Variants in GABRB2 observed in about 807,000 individuals in gnomAD.
The protein encoded by GABRB2 is gamma-aminobutyric acid type A receptor subunit beta2, also known as gamma-aminobutyric acid receptor subunit beta-2.
Under a neutral mutation model 54.7 loss-of-function variants are expected in GABRB2, and 16 were observed. The ratio of observed to expected loss-of-function variants is 0.29; its 90% CI spans 0.20 to 0.44. The LOEUF (loss-of-function observed/expected upper bound fraction) is 0.44, where lower values mean the gene tolerates loss of function less well. Among genes scored for constraint, GABRB2 ranks in the 20% least tolerant of loss-of-function variants. The pLI is 1.00. For missense variants in GABRB2, 355 were observed against 644.0 expected (o/e 0.55, Z 4.86); for synonymous variants, 244 against 233.8 (o/e 1.04, Z -0.40).
intron 9 of GABRB2, among the ~76,000 whole-genome samples, chr5:161,315,221 A>G (rs906274768): frequency 6.6e-6 from 1 of 152,250 alleles, no homozygotes; most frequent in Non-Finnish European, 1.5e-5. Context: ...ATATGTTTAC[A>G]AAATTTAACT....
intron 4 of GABRB2, among the ~76,000 whole-genome samples, chr5:161,425,805 A>T (rs1438785466): frequency 6.6e-6 from 1 of 152,124 alleles, no homozygotes; most frequent in East Asian, 1.9e-4. Context: ...TTTTCATAGA[A>T]ATAATGGGGT....
intron 4 of GABRB2, among the ~76,000 whole-genome samples, chr5:161,458,475 A>G (rs926125168): frequency 3.9e-5 from 6 of 152,200 alleles, no homozygotes; most frequent in Non-Finnish European, 7.3e-5. Flanking sequence ...CAAATGTCAT[A>G]AACAAAACAG....
chr5:161,517,040 G>T lies in GABRB2; in HGVS notation c.237+28187C>A, dbSNP rs1001112961. Among the ~76,000 whole-genome samples, 3 of 152,088 alleles carry T rather than the reference G, an allele frequency of 2.0e-5. 1 individual carries two copies. The South Asian group carries it at 6.2e-4, about 32-fold the overall frequency. On this transcript the variant is annotated intron_variant, in intron 3 of 9. Coordinates refer to ENST00000393959, the MANE Select transcript of GABRB2 (RefSeq NM_001371727.1). The stretch of plus-strand genomic sequence containing the variant: ...CAGAGAGGCTCCTATGCCCTGTTCT[G>T]CTCTGTGACTAAGTTTTGATGGCTC...
intron 4 of GABRB2, among the ~76,000 whole-genome samples, chr5:161,441,648 ACTC>A (rs1379497687): frequency 4.6e-5 from 7 of 152,244 alleles, no homozygotes; most frequent in South Asian, 4.1e-4. Context: ...AGATTTCTGT[ACTC>A]CTATGTTTGT....
chr5:161,429,758 G>T lies in GABRB2; in HGVS notation c.459-18701C>A, dbSNP rs76046699. ...TATAAGGGATTTAAGTCTAATCAAGGAGCCACAAACTCAGACGCATAGAGG... is the reference window on the plus strand; with the variant it reads ...TATAAGGGATTTAAGTCTAATCAAGTAGCCACAAACTCAGACGCATAGAGG... On this transcript the variant is annotated intron_variant, in intron 4 of 9. Coordinates refer to ENST00000393959, the MANE Select transcript of GABRB2 (RefSeq NM_001371727.1). Among the ~76,000 whole-genome samples, 18 of 152,204 alleles carry T rather than the reference G, an allele frequency of 1.2e-4. No homozygotes were observed. The East Asian group carries it at 3.5e-3, about 29-fold the overall frequency.
chr5:161,546,002 C>G (rs1468486121), intron 2 of GABRB2, among the ~76,000 whole-genome samples: 5 of 152,190 alleles, frequency 3.3e-5, no homozygotes, highest in Non-Finnish European at 7.3e-5. Flanking sequence ...CGGGTTCTCT[C>G]GGCACACCAT....
intron 3 of GABRB2, among the ~76,000 whole-genome samples, chr5:161,515,724 T>A (rs1759920750): frequency 6.6e-6 from 1 of 152,198 alleles, no homozygotes; most frequent in African/African-American, 2.4e-5. Context: ...TGCTACTCCA[T>A]GGCTGGAAAT....
At chr5:161,401,535 C>T (rs1041675940) in intron 5 of GABRB2, among the ~76,000 whole-genome samples, 14 of 152,054 alleles carry the variant, frequency 9.2e-5, no homozygotes, top group Admixed American at 9.2e-4. Context: ...AAAATAGATA[C>T]CCTGCACTGC....
At chr5:161,483,537 A>T (rs2113333433) in intron 3 of GABRB2, among the ~76,000 whole-genome samples, 1 of 152,026 alleles carries the variant, frequency 6.6e-6, no homozygotes, top group Non-Finnish European at 1.5e-5. Context: ...AGTGTTATAA[A>T]AAAGAGACAA....
chr5:161,507,398 G>A (rs1004833128), intron 3 of GABRB2, among the ~76,000 whole-genome samples: 3 of 152,024 alleles, frequency 2.0e-5, no homozygotes, highest in African/African-American at 7.2e-5. Context: ...GTTAACATCA[G>A]AGGAAGCTAA....
chr5:161,525,684 C>T lies in GABRB2; in HGVS notation c.237+19543G>A, dbSNP rs577612665. On this transcript the variant is annotated intron_variant, in intron 3 of 9. Coordinates refer to ENST00000393959, the MANE Select transcript of GABRB2 (RefSeq NM_001371727.1). ...GGATACCAGCTTTGTTTTAATTTGC[C>T]TAGATTGAATTATAAGAAGCACTTT... Among the ~76,000 whole-genome samples, 42 of 151,070 alleles carry T rather than the reference C, an allele frequency of 2.8e-4. 1 individual carries two copies. The South Asian group carries it at 2.9e-3, about 10-fold the overall frequency.
At chr5:161,369,369 GAA>G (rs1755065781) in intron 5 of GABRB2, among the ~76,000 whole-genome samples, 1 of 152,134 alleles carries the variant, frequency 6.6e-6, no homozygotes, top group Admixed American at 6.6e-5. Flanking sequence ...CTGTAGATAA[GAA>G]TATGCATTAA....
intron 3 of GABRB2, among the ~76,000 whole-genome samples, chr5:161,478,284 C>A (rs1758654774): frequency 6.6e-6 from 1 of 151,990 alleles, no homozygotes; most frequent in South Asian, 2.1e-4. Context: ...TCTGACATAA[C>A]ACCATTAAGT....
At chr5:161,360,834 A>T (rs2113451399) in intron 5 of GABRB2, among the ~76,000 whole-genome samples, 1 of 152,250 alleles carries the variant, frequency 6.6e-6, no homozygotes, top group Non-Finnish European at 1.5e-5. Context: ...TTAAAACCTA[A>T]AAACAAACCC....
rs186854364 is a variant in GABRB2 at position 161,546,458 on chromosome 5, G to A, written c.78-45C>T. ...TAAGCAGGCATCAATAAGGAAGCAG[G>A]CATAGCGTTTTCAGCATCGGATCCC... On this transcript the variant is annotated intron_variant, in intron 1 of 9. Coordinates refer to ENST00000393959, the MANE Select transcript of GABRB2 (RefSeq NM_001371727.1). The A allele has an allele frequency of 1.9e-5, 30 of 1,588,512 alleles. No homozygotes were observed. The African/African-American group carries it at 2.7e-4, about 14-fold the overall frequency.
rs574640881 is a variant in GABRB2 at position 161,330,315 on chromosome 5, C to T, written c.1077+568G>A. 2.6e-5 allele frequency: 4 copies of T among 152,260 alleles called. No homozygotes were observed. In the East Asian group the frequency reaches 7.7e-4, roughly 29 times the overall value. The allele number at this position is 152,260 out of a possible 1,614,324, so 9.4% of individuals were successfully genotyped here. A position where few individuals can be genotyped will look rare whatever the true frequency, so the allele number is the denominator to read the frequency against. ...AGGAGAAAATTATTTGTCTTTTCCC[C>T]CTTACTCTTCTTATGTTCTTCTGAT... On this transcript the variant is annotated intron_variant, in intron 8 of 9. Coordinates refer to ENST00000393959, the MANE Select transcript of GABRB2 (RefSeq NM_001371727.1).
At chr5:161,471,296 G>C (rs185724526) in intron 3 of GABRB2, among the ~76,000 whole-genome samples, 8 of 152,060 alleles carry the variant, frequency 5.3e-5, no homozygotes, top group African/African-American at 1.9e-4. Flanking sequence ...TTCCACATCT[G>C]AGCCAACAAA....
chr5:161,425,867 A>G (rs1396726609), intron 4 of GABRB2, among the ~76,000 whole-genome samples: 1 of 152,128 alleles, frequency 6.6e-6, no homozygotes, highest in African/African-American at 2.4e-5. Flanking sequence ...ATAATATGTG[A>G]TGAGGATGTG....
intron 3 of GABRB2, among the ~76,000 whole-genome samples, chr5:161,543,657 C>T (rs1760885713): frequency 6.6e-6 from 1 of 152,154 alleles, no homozygotes; most frequent in South Asian, 2.1e-4. Context: ...TTTAGATTCA[C>T]ATTCCTGAGA....
Sources: allele counts gnomAD v4.1 joint callset (sites outside exome capture counted in the v4.1 genomes callset), GRCh38; gene constraint gnomAD v4.1.1; transcripts MANE v1.5; gene names NCBI Gene and HGNC (gene_info 2026-07-23, HGNC 2026-07-21).